Variants in FHIP1A observed in about 807,000 individuals in gnomAD.
The protein encoded by FHIP1A is FHF complex subunit HOOK-interacting protein 1A.
A neutral mutation model predicts 88.6 loss-of-function variants in FHIP1A; 61 were observed. The ratio of observed to expected loss-of-function variants is 0.69; its 90% CI spans 0.56 to 0.85. The LOEUF is 0.85. FHIP1A is among the 40% of genes least tolerant of loss of function. The probability of loss-of-function intolerance (pLI) is 0.00; values close to 1 mark genes in which losing one functional copy is unlikely to be tolerated. For synonymous variants in FHIP1A, 478 were observed against 496.0 expected, an observed-to-expected ratio of 0.96 and a Z score of 0.48; for missense variants, 1,154 against 1,273.5, an observed-to-expected ratio of 0.91 and a Z score of 1.43.
intron 10 of FHIP1A, among the ~76,000 whole-genome samples, chr4:151,649,047 T>C (rs1189538863): frequency 6.6e-6 from 1 of 152,182 alleles, no homozygotes; most frequent in Non-Finnish European, 1.5e-5. Flanking sequence ...CTCAGATTCA[T>C]GGATTACCAG....
chr4:151,628,139 A>G (rs1329008871), intron 7 of FHIP1A, among the ~76,000 whole-genome samples: 1 of 152,136 alleles, frequency 6.6e-6, no homozygotes, highest in Non-Finnish European at 1.5e-5. Context: ...CAGATGACAT[A>G]GTGGTGTATT....
At chr4:151,633,458 A>T (rs559910420) in intron 8 of FHIP1A, among the ~76,000 whole-genome samples, 2 of 152,102 alleles carry the variant, frequency 1.3e-5, no homozygotes, top group East Asian at 3.9e-4. Flanking sequence ...AACTAATTTT[A>T]TGAGGCCAGT....
chr4:151,630,186 A>G (rs1736104433), intron 8 of FHIP1A, among the ~76,000 whole-genome samples: 2 of 152,202 alleles, frequency 1.3e-5, no homozygotes, highest in African/African-American at 4.8e-5. Context: ...GGCAAGATGC[A>G]AGGGAACATG....
intron 3 of FHIP1A, among the ~76,000 whole-genome samples, chr4:151,539,171 A>C (rs970704796): frequency 3.9e-5 from 6 of 152,274 alleles, no homozygotes; most frequent in African/African-American, 1.4e-4. Flanking sequence ...AAAGCCACAG[A>C]TATTCCCTCT....
chr4:151,495,537 A>G (rs186953872), intron 3 of FHIP1A, among the ~76,000 whole-genome samples: 35 of 151,740 alleles, frequency 2.3e-4, no homozygotes, highest in Non-Finnish European at 4.0e-4. Flanking sequence ...AAAAGACTGG[A>G]AAGAAAGATA....
At chr4:151,524,075 A>G (rs6535804) in intron 3 of FHIP1A, among the ~76,000 whole-genome samples, 78,928 of 151,850 alleles carry the variant, frequency 0.52, 20,798 homozygotes, top group African/African-American at 0.55. Flanking sequence ...ACTTTGGGAG[A>G]CCGAGGCGGG....
intron 2 of FHIP1A, among the ~76,000 whole-genome samples, chr4:151,472,215 A>G (rs562616452): frequency 2.0e-5 from 3 of 152,316 alleles, no homozygotes; most frequent in African/African-American, 2.4e-5. Context: ...CTGGTGACCT[A>G]TGATCTGATT....
chr4:151,458,040 T>A lies in FHIP1A; in HGVS notation c.-248+3232T>A, dbSNP rs187509781. 3.3e-5 allele frequency among the ~76,000 whole-genome samples: 5 copies of A among 152,366 alleles called. No homozygotes were observed. The East Asian group carries it at 7.7e-4, about 24-fold the overall frequency. ...TAGCTAACATTTATTGAGCACTTACTATGTGCCAGGCACATGTGCTATCTT... is the reference window on the plus strand; with the variant it reads ...TAGCTAACATTTATTGAGCACTTACAATGTGCCAGGCACATGTGCTATCTT... On this transcript the variant is annotated intron_variant, in intron 2 of 13. Transcript: ENST00000435205.
At chr4:151,635,840 G>C (rs1736332423) in intron 8 of FHIP1A, among the ~76,000 whole-genome samples, 1 of 151,868 alleles carries the variant, frequency 6.6e-6, no homozygotes, top group Non-Finnish European at 1.5e-5. Context: ...CTAGTGATTT[G>C]TATGCTTAAA....
intron 3 of FHIP1A, among the ~76,000 whole-genome samples, chr4:151,554,175 G>A (rs1732856284): frequency 6.6e-6 from 1 of 152,154 alleles, no homozygotes; most frequent in Non-Finnish European, 1.5e-5. Context: ...TCAGTGGGTG[G>A]TTGTAAGAAT....
intron 3 of FHIP1A, among the ~76,000 whole-genome samples, chr4:151,517,752 G>A (rs112786202): frequency 6.6e-5 from 10 of 151,952 alleles, no homozygotes; most frequent in African/African-American, 1.9e-4. Flanking sequence ...CTAGGCTAAC[G>A]TGTGTGTTTG....
At chr4:151,568,115 A>G (rs773806595) in intron 4 of FHIP1A, among the ~76,000 whole-genome samples, 20 of 152,218 alleles carry the variant, frequency 1.3e-4, no homozygotes, top group Non-Finnish European at 2.5e-4. Context: ...GGAATGTGCC[A>G]GTACATTGTG....
chr4:151,650,154 T>C lies in FHIP1A; in HGVS notation c.2113T>C (p.Phe705Leu), dbSNP rs1736967375. 6.4e-7 allele frequency: 1 copy of C among 1,551,496 alleles called. No homozygotes were observed. The highest frequency in any genetic ancestry group is 1.4e-5 in the African/African-American group (1 of 73,010). The change falls in exon 11 of 14, where the codon TTT becomes CTT. Residue 705 changes from phenylalanine (F) to leucine (L), a missense_variant. Transcript: ENST00000435205. ...GTGGAATAGGGACAATTCAGACCCGTTTCACAGTGAGCCCAAGGAGCCAAA... is the reference window on the plus strand; with the variant it reads ...GTGGAATAGGGACAATTCAGACCCGCTTCACAGTGAGCCCAAGGAGCCAAA... ...EEWNRDNSDP[F>L]HSEPKEPKQE...
intron 7 of FHIP1A, among the ~76,000 whole-genome samples, chr4:151,609,471 C>CTA: frequency 1.3e-5 from 2 of 152,290 alleles, no homozygotes; most frequent in East Asian, 3.9e-4. Flanking sequence ...TATCCCAGAG[C>CTA]TATACTGTGG....
At chr4:151,518,186 G>A (rs1731317381) in intron 3 of FHIP1A, among the ~76,000 whole-genome samples, 1 of 152,042 alleles carries the variant, frequency 6.6e-6, no homozygotes, top group Admixed American at 6.5e-5. Context: ...TTTTCATACT[G>A]TGTTTGTACC....
chr4:151,527,392 C>G (rs748785896), intron 3 of FHIP1A, among the ~76,000 whole-genome samples: 1 of 152,208 alleles, frequency 6.6e-6, no homozygotes, highest in Non-Finnish European at 1.5e-5. Context: ...GGCGTGGCGG[C>G]GCACACCTGC....
chr4:151,541,928 A>G (rs1699210172), intron 3 of FHIP1A, among the ~76,000 whole-genome samples: 1 of 152,160 alleles, frequency 6.6e-6, no homozygotes, highest in Admixed American at 6.5e-5. Context: ...TACAATTGAG[A>G]CAGCCAAGTA....
In FHIP1A at chr4:151,520,434, C is replaced by T. The variant is rs374072976; in HGVS notation, c.-123+37786C>T. ...CTACTTTGATTATTTTGGTCTTGTG[C>T]CATTTTTAGTAGTGGTATATTCTAT... On this transcript the variant is annotated intron_variant, in intron 3 of 13. Coordinates refer to ENST00000435205, the MANE Select transcript of FHIP1A (RefSeq NM_001109977.3). 7.2e-5 allele frequency among the ~76,000 whole-genome samples: 11 copies of T among 151,998 alleles called. 1 individual carries two copies. Among genetic ancestry groups the T allele is most frequent in the African/African-American group, 2.7e-4 (11 of 41,472 alleles).
intron 1 of FHIP1A, among the ~76,000 whole-genome samples, chr4:151,424,289 G>A (rs994225824): frequency 6.6e-6 from 1 of 152,266 alleles, no homozygotes; most frequent in Non-Finnish European, 1.5e-5. Context: ...GAATTACATC[G>A]TTGGTCTGGG....
Sources: gnomAD v4.1 joint callset for allele counts (sites outside exome capture counted in the v4.1 genomes callset) on GRCh38, gnomAD v4.1.1 for gene constraint, MANE v1.5 for transcripts, NCBI Gene and HGNC (gene_info 2026-07-23, HGNC 2026-07-21) for gene names.